Variants in WIZ observed in about 807,000 individuals in gnomAD.
The protein encoded by WIZ is protein Wiz.
Under a neutral mutation model 140.2 loss-of-function variants are expected in WIZ, and 25 were observed. The ratio of observed to expected loss-of-function variants is 0.18; its 90% CI spans 0.13 to 0.25. The LOEUF (loss-of-function observed/expected upper bound fraction) is 0.25. Ranked by LOEUF, WIZ falls within the 10% of genes least tolerant of loss-of-function variation. The pLI is 1.00. For synonymous variants in WIZ, 1,125 were observed against 1,154.3 expected (o/e 0.97, Z 0.51); for missense variants, 2,231 against 2,632.6 (o/e 0.85, Z 3.34).
rs745387647 is a variant in WIZ, at chr19:15,427,009, G to A, written c.4339C>T (p.Arg1447Trp). 1.3e-5 allele frequency: 21 copies of A among 1,613,660 alleles called. No homozygotes were observed. Among genetic ancestry groups the A allele is most frequent in the South Asian group, 3.3e-5 (3 of 91,074 alleles). ...HPSEGPWGAP[R>W]EDMTPLNLSS... ...AGGTTCAGGGGTGTCATGTCTTCCC[G>A]TGGTGCCCCCCAGGGACCCTCAGAT... The change falls in exon 9 of 13, where the codon CGG becomes TGG. Residue 1447 changes from arginine (R) to tryptophan (W), a missense_variant. Transcript: ENST00000673675. This position sits in a 1 kb window ranked among gnomAD's most constrained non-coding sequence, Gnocchi z 6.4.
At position 15,442,837 on chromosome 19, in the gene WIZ, T is replaced by TCAGAAAGGCCCTGCTGGCTCC; in HGVS notation, c.206-110_206-90dup. The TCAGAAAGGCCCTGCTGGCTCC allele has an allele frequency of 1.3e-6, 1 of 782,080 alleles. No homozygotes were observed. Among genetic ancestry groups the TCAGAAAGGCCCTGCTGGCTCC allele is most frequent in the Non-Finnish European group, 1.7e-6 (1 of 576,868 alleles). 48.4% of individuals were successfully genotyped at this position (782,080 alleles called of 1,614,324 possible). A position where few individuals can be genotyped will look rare whatever the true frequency, so the allele number is the denominator to read the frequency against. On this transcript the variant is annotated intron_variant, in intron 2 of 12. Transcript: ENST00000673675. This position sits in a 1 kb window ranked among gnomAD's most constrained non-coding sequence, Gnocchi z 5.5. Reference sequence around the variant, plus strand: ...AGCTCCAGGAGCCCTGCCAGGTGCCTCAGAAAGGCCCTGCTGGCTCCCAGT... The same window carrying TCAGAAAGGCCCTGCTGGCTCC: ...AGCTCCAGGAGCCCTGCCAGGTGCCTCAGAAAGGCCCTGCTGGCTCCCAGAAAGGCCCTGCTGGCTCCCAGT...
At chr19:15,423,933 A>G (rs577875666) in intron 12 of WIZ, 2 of 422,398 alleles carry the variant, frequency 4.7e-6, no homozygotes, top group Admixed American at 8.7e-5. Context: ...GAGTGAGGAA[A>G]TTGAGGTAAG....
rs564804708 is a variant in WIZ at position 15,440,367 on chromosome 19, C to T, written c.627G>A (p.Pro209=). Residue 209 remains proline, a synonymous_variant, in exon 4 of 13, where the codon CCG becomes CCA. Coordinates refer to ENST00000673675, the MANE Select transcript of WIZ (RefSeq NM_001371589.1). The surrounding 1 kb of genome is among the most constrained non-coding windows in gnomAD (Gnocchi z 6.2). Reference sequence around the variant, plus strand: ...CCCTCCTGAAGGGGGCGAGGGGTGGCGGCTGGGCAGGCAGGTCCAAGTGCA... The same window carrying T: ...CCCTCCTGAAGGGGGCGAGGGGTGGTGGCTGGGCAGGCAGGTCCAAGTGCA... ...AGLHLDLPAQ[P]PPLAPFRRVF... is the part of the protein sequence containing the mutation. 1.4e-5 allele frequency: 21 copies of T among 1,530,786 alleles called. No homozygotes were observed. The highest frequency in any genetic ancestry group is 2.5e-5 in the East Asian group (1 of 40,772). The allele number at this position is 1,530,786 out of a possible 1,614,324, so 94.8% of individuals were successfully genotyped here.
In WIZ at chr19:15,428,613, G is replaced by T; in HGVS notation, c.3416-105C>A. 1 of 1,369,174 alleles carries T rather than the reference G, an allele frequency of 7.3e-7. No homozygotes were observed. Among genetic ancestry groups the T allele is most frequent in the Non-Finnish European group, 9.9e-7 (1 of 1,006,022 alleles). The allele number at this position is 1,369,174 out of a possible 1,614,324, so 84.8% of individuals were successfully genotyped here. A position where few individuals can be genotyped will look rare whatever the true frequency, so the allele number is the denominator to read the frequency against. ...TGATTTTTGGCTGCTCAGGCAGTTG[G>T]GGGGTCCAAGACTCAGGCCGCAGAT... On this transcript the variant is annotated intron_variant, in intron 7 of 12. Coordinates refer to ENST00000673675, the MANE Select transcript of WIZ (RefSeq NM_001371589.1). This position sits in a 1 kb window ranked among gnomAD's most constrained non-coding sequence, Gnocchi z 6.4.
Position 15,442,244 on chromosome 19 carries a change from A to C in WIZ, c.278+432T>G, listed in dbSNP as rs148691181. On this transcript the variant is annotated intron_variant, in intron 3 of 12. Transcript: ENST00000673675. This position sits in a 1 kb window ranked among gnomAD's most constrained non-coding sequence, Gnocchi z 5.5. The stretch of plus-strand genomic sequence containing the variant: ...GCACCTGCCAAGCCATTTAATAAAG[A>C]GTAGGGACCATCAGCATTGCTCTTG... 1.2e-3 allele frequency among the ~76,000 whole-genome samples: 178 copies of C among 151,552 alleles called. No individual in the cohort carries two copies. Among genetic ancestry groups the C allele is most frequent in the African/African-American group, 4.1e-3 (170 of 41,346 alleles).
intron 5 of WIZ, among the ~76,000 whole-genome samples, chr19:15,434,151 G>A (rs1969424076): frequency 6.6e-6 from 1 of 152,002 alleles, no homozygotes; most frequent in Non-Finnish European, 1.5e-5. Flanking sequence ...CCAGCTACTT[G>A]GGAGGCTGAG....
In WIZ at chr19:15,427,349, C is replaced by CCGA. The variant is rs1354435829; in HGVS notation, c.3996_3998dup (p.Arg1333dup). 1 of 1,613,494 alleles carries CCGA rather than the reference C, an allele frequency of 6.2e-7. No homozygotes were observed. On this transcript the variant is annotated inframe_insertion, in exon 9 of 13. Coordinates refer to ENST00000673675, the MANE Select transcript of WIZ (RefSeq NM_001371589.1). The surrounding 1 kb of genome is among the most constrained non-coding windows in gnomAD (Gnocchi z 6.4). The stretch of plus-strand genomic sequence containing the variant: ...CTGGTGGGTTGGGAGGTCCACCAGG[C>CCGA]CGAGACTGGGTCCGTCTCTTCAGGA...
At position 15,440,163 on chromosome 19, in the gene WIZ, C is replaced by T. The variant is rs1969681888; in HGVS notation, c.831G>A (p.Leu277=). 2 of 1,532,024 alleles carry T rather than the reference C, an allele frequency of 1.3e-6. No individual in the cohort carries two copies. Among genetic ancestry groups the T allele is most frequent in the Admixed American group, 2.0e-5 (1 of 50,418 alleles). The allele number at this position is 1,532,024 out of a possible 1,614,324, so 94.9% of individuals were successfully genotyped here. The change falls in exon 4 of 13, where the codon CTG becomes CTA. Residue 277 remains leucine (L), a synonymous_variant. Transcript: ENST00000673675. This position sits in a 1 kb window ranked among gnomAD's most constrained non-coding sequence, Gnocchi z 6.2. ...TCCGGATCGGGGGCAGTAGCGGCTGCAGCCGCTCCACAGAAGCCTCCGAGT... is the reference window on the plus strand; with the variant it reads ...TCCGGATCGGGGGCAGTAGCGGCTGTAGCCGCTCCACAGAAGCCTCCGAGT... ...TVNSEASVER[L]QPLLPPIRTG... is the part of the protein sequence containing the mutation.
chr19:15,426,384 A>G (rs375900929), intron 9 of WIZ, among the ~76,000 whole-genome samples: 48 of 152,198 alleles, frequency 3.2e-4, no homozygotes, highest in African/African-American at 1.0e-3. Context: ...AGCAAGTGAC[A>G]TTACAATGAT....
At position 15,422,466 on chromosome 19, in the gene WIZ, G is replaced by A. The variant is rs1378516020; in HGVS notation, c.*610C>T. On this transcript the variant is annotated 3_prime_UTR_variant, in exon 13 of 13. Transcript: ENST00000673675. ...CCCAGCTGGGAAGGCCCCTCTCGGG[G>A]GCAGCCAACAAGGATTTCCGTGGCA... 6.6e-6 allele frequency: 1 copy of A among 152,120 alleles called. No homozygotes were observed. Among genetic ancestry groups the A allele is most frequent in the Non-Finnish European group, 1.5e-5 (1 of 68,042 alleles). The allele number at this position is 152,120 out of a possible 1,614,324, so 9.4% of individuals were successfully genotyped here. A position where few individuals can be genotyped will look rare whatever the true frequency, so the allele number is the denominator to read the frequency against.
chr19:15,443,012 T>G (rs1202589967), intron 2 of WIZ, among the ~76,000 whole-genome samples: 2 of 152,118 alleles, frequency 1.3e-5, no homozygotes, highest in African/African-American at 4.8e-5. Context: ...CCAGGGTGGT[T>G]TTTTACAAGC....
chr19:15,439,290 C>A lies in WIZ; in HGVS notation c.1704G>T (p.Leu568=). 2 of 1,535,392 alleles carry A rather than the reference C, an allele frequency of 1.3e-6. No homozygotes were observed. The highest frequency in any genetic ancestry group is 8.7e-7 in the Non-Finnish European group (1 of 1,146,574). Residue 568 remains leucine (L), a synonymous_variant, in exon 4 of 13, where the codon CTG becomes CTT. Transcript: ENST00000673675. The surrounding 1 kb of genome is among the most constrained non-coding windows in gnomAD (Gnocchi z 7.0). ...CGAGAGGCCTCTGGCCCGTGCCATG[C>A]AGGAGTGGCTTTGACAGCGGGAAAT... ...IRDFPLSKPL[L]HGTGQRPLGR... is the part of the protein sequence containing the mutation.
chr19:15,448,955 C>T (rs74359152), intron 1 of WIZ, among the ~76,000 whole-genome samples: 2,215 of 152,122 alleles, frequency 0.015, 45 homozygotes, highest in African/African-American at 0.05. Flanking sequence ...CCCTTCACCC[C>T]CCTCCACACA....
chr19:15,423,134 G>C lies in WIZ; in HGVS notation c.5612C>G (p.Pro1871Arg), dbSNP rs1968479355. Residue 1871 changes from proline to arginine, a missense_variant, in exon 13 of 13, where the codon CCC becomes CGC. This residue lies in a region of WIZ where 299 missense variants were observed against 309.6 expected (regional missense o/e 0.97). Coordinates refer to ENST00000673675, the MANE Select transcript of WIZ (RefSeq NM_001371589.1). ...ILEMNFSKAD[P>R]PPEESQAPQA... ...CGGGGCCTGGGACTCCTCAGGTGGGGGGTCCGCTTTGGAGAAGTTCATCTC... is the reference window on the plus strand; with the variant it reads ...CGGGGCCTGGGACTCCTCAGGTGGGCGGTCCGCTTTGGAGAAGTTCATCTC... 6.2e-7 allele frequency: 1 copy of C among 1,612,830 alleles called. No homozygotes were observed. Among genetic ancestry groups the C allele is most frequent in the Non-Finnish European group, 8.5e-7 (1 of 1,179,914 alleles).
In WIZ at chr19:15,422,862, C is replaced by T. The variant is rs1166374990; in HGVS notation, c.*214G>A. ...CAGGTGGGCATGGGCTGAAGGAAGA[C>T]ACCCTGTGGCCCCAGAGTCCTCGGG... On this transcript the variant is annotated 3_prime_UTR_variant, in exon 13 of 13. Transcript: ENST00000673675. 2 of 651,428 alleles carry T rather than the reference C, an allele frequency of 3.1e-6. No homozygotes were observed. Among genetic ancestry groups the T allele is most frequent in the African/African-American group, 3.7e-5 (2 of 54,410 alleles). 40.4% of individuals were successfully genotyped at this position (651,428 alleles called of 1,614,324 possible).
Position 15,438,612 on chromosome 19 carries a change from C to T in WIZ, c.2382G>A (p.Glu794=). The T allele has an allele frequency of 6.6e-7, 1 of 1,519,712 alleles. No individual in the cohort carries two copies. Among genetic ancestry groups the T allele is most frequent in the Non-Finnish European group, 8.8e-7 (1 of 1,133,826 alleles). 94.1% of individuals were successfully genotyped at this position (1,519,712 alleles called of 1,614,324 possible). ...TCTTCTTCTGGAAGGAGAACCTGCG[C>T]TCAATGGCCTTCACCTCCTCAGCGG... ...FISAEEVKAI[E]RRFSFQKKKK... The change falls in exon 4 of 13, where the codon GAG becomes GAA. Residue 794 remains glutamate, a synonymous_variant. Transcript: ENST00000673675.
Position 15,428,170 on chromosome 19 carries a change from C to T in WIZ, c.3754G>A (p.Ala1252Thr). 1 of 1,534,436 alleles carries T rather than the reference C, an allele frequency of 6.5e-7. No homozygotes were observed. The highest frequency in any genetic ancestry group is 8.7e-7 in the Non-Finnish European group (1 of 1,146,738). ...ASPWGKQDLS[A>T]AAAAGIFWAS... ...CAGAAAATGCCGGCGGCTGCGGCGG[C>T]CGAGAGGTCCTGCTTCCCCCAGGGG... The change falls in exon 8 of 13, where the codon GCC becomes ACC. Residue 1252 changes from alanine (A) to threonine (T), a missense_variant. Coordinates refer to ENST00000673675, the MANE Select transcript of WIZ (RefSeq NM_001371589.1). This position sits in a 1 kb window ranked among gnomAD's most constrained non-coding sequence, Gnocchi z 6.4.
At position 15,422,301 on chromosome 19, in the gene WIZ, G is replaced by A. The variant is rs1599636745; in HGVS notation, c.*775C>T. On this transcript the variant is annotated 3_prime_UTR_variant, in exon 13 of 13. Coordinates refer to ENST00000673675, the MANE Select transcript of WIZ (RefSeq NM_001371589.1). ...AGGTCTAGGGAGCTATACATAGAAA[G>A]CAACAGTGAAAAGGGAGAGGGAGCA... 6.6e-6 allele frequency: 1 copy of A among 152,236 alleles called. No homozygotes were observed. 9.4% of individuals were successfully genotyped at this position (152,236 alleles called of 1,614,324 possible). A position where few individuals can be genotyped will look rare whatever the true frequency, so the allele number is the denominator to read the frequency against.
At position 15,431,197 on chromosome 19, in the gene WIZ, G is replaced by C. The variant is rs534135269; in HGVS notation, c.2741-15C>G. The C allele has an allele frequency of 6.6e-7, 1 of 1,505,220 alleles. No homozygotes were observed. 93.2% of individuals were successfully genotyped at this position (1,505,220 alleles called of 1,614,324 possible). A position where few individuals can be genotyped will look rare whatever the true frequency, so the allele number is the denominator to read the frequency against. On this transcript the variant is annotated splice_polypyrimidine_tract_variant and intron_variant, in intron 5 of 12. Transcript: ENST00000673675. ...AGAACCCAGGCCTGTGGGTTGGGGA[G>C]ACAGGCTCAGCCCAGACAAATTTCA...
Sources: allele counts gnomAD v4.1 joint callset (sites outside exome capture counted in the v4.1 genomes callset), GRCh38; gene constraint gnomAD v4.1.1; regional missense constraint gnomAD v4.1.1; non-coding constraint Gnocchi (gnomAD v3.1); transcripts MANE v1.5; gene names NCBI Gene and HGNC (gene_info 2026-07-23, HGNC 2026-07-21).